Variants in SOCS6 observed in about 807,000 individuals in gnomAD.
SOCS6 encodes the protein suppressor of cytokine signaling 6, also known as STAT induced STAT inhibitor-4.
SOCS6 carries 5 observed loss-of-function variants against 27.7 expected under a neutral mutation model. The observed-to-expected ratio is 0.18, with a 90% CI of 0.09 to 0.38. The LOEUF (loss-of-function observed/expected upper bound fraction) is 0.38, where lower values mean the gene tolerates loss of function less well. Ranked by LOEUF, SOCS6 falls within the 10% of genes least tolerant of loss-of-function variation. The pLI, the probability that SOCS6 is intolerant of heterozygous loss-of-function variation, is 1.00. For synonymous variants in SOCS6, 271 were observed against 260.0 expected (o/e 1.04, Z -0.41); for missense variants, 595 against 688.1 (o/e 0.86, Z 1.51).
intron 1 of SOCS6, among the ~76,000 whole-genome samples, chr18:70,317,157 A>G (rs1420758521): frequency 6.6e-6 from 1 of 152,196 alleles, no homozygotes; most frequent in African/African-American, 2.4e-5. Flanking sequence ...CCATCACCTG[A>G]GCAGTGTACA....
At chr18:70,314,683 A>ATT in intron 1 of SOCS6, among the ~76,000 whole-genome samples, 1 of 152,324 alleles carries the variant, frequency 6.6e-6, no homozygotes, top group East Asian at 1.9e-4. Context: ...AGCTGCATCT[A>ATT]TTGAATTTTC....
chr18:70,311,530 G>A (rs1394129954), intron 1 of SOCS6, among the ~76,000 whole-genome samples: 2 of 152,120 alleles, frequency 1.3e-5, no homozygotes, highest in Non-Finnish European at 2.9e-5. Flanking sequence ...ACACTTGATG[G>A]GGTGGAGTGG....
intron 1 of SOCS6, among the ~76,000 whole-genome samples, chr18:70,297,194 C>CT (rs1455498504): frequency 6.6e-6 from 1 of 152,112 alleles, no homozygotes; most frequent in African/African-American, 2.4e-5. Flanking sequence ...TTTTCGTCGT[C>CT]TTCCTTTCCA....
chr18:70,320,513 A>G (rs1910945668), intron 1 of SOCS6, among the ~76,000 whole-genome samples: 1 of 152,164 alleles, frequency 6.6e-6, no homozygotes, highest in South Asian at 2.1e-4. Flanking sequence ...TTCAATTACC[A>G]CAGTCGATAG....
intron 1 of SOCS6, among the ~76,000 whole-genome samples, chr18:70,322,342 C>G (rs980597791): frequency 6.6e-6 from 1 of 152,018 alleles, no homozygotes; most frequent in Non-Finnish European, 1.5e-5. Context: ...ACCATATGGC[C>G]TAATAGAACT....
chr18:70,299,865 G>A (rs1299730897), intron 1 of SOCS6, among the ~76,000 whole-genome samples: 2 of 152,254 alleles, frequency 1.3e-5, no homozygotes, highest in South Asian at 2.1e-4. Context: ...TGTGTTAGGT[G>A]TTATAAATAA....
chr18:70,310,467 G>GTTTTTT lies in SOCS6; in HGVS notation c.-126-14076_-126-14075insTTTTTT, dbSNP rs1332886593. Among the ~76,000 whole-genome samples, 4 of 139,532 alleles carry GTTTTTT rather than the reference G, an allele frequency of 2.9e-5. 2 individuals carry two copies. Among genetic ancestry groups the GTTTTTT allele is most frequent in the African/African-American group, 5.5e-5 (2 of 36,240 alleles). The allele number at this position is 139,532 out of a possible 152,430, so 91.5% of individuals were successfully genotyped here. The stretch of plus-strand genomic sequence containing the variant: ...TGGCTAATTTTCTAATTTTTTGTGG[G>GTTTTTT]GTTTTTTTTTTTTTTTTTTTTGCAG... On this transcript the variant is annotated intron_variant, in intron 1 of 1. Transcript: ENST00000397942.
intron 1 of SOCS6, among the ~76,000 whole-genome samples, chr18:70,295,939 C>T (rs541131234): frequency 4.6e-5 from 7 of 152,242 alleles, no homozygotes; most frequent in Admixed American, 3.9e-4. Context: ...AGTTTGGATT[C>T]GTGTCTTCCT....
chr18:70,320,129 T>C (rs1910921930), intron 1 of SOCS6, among the ~76,000 whole-genome samples: 1 of 151,998 alleles, frequency 6.6e-6, no homozygotes, highest in Non-Finnish European at 1.5e-5. Flanking sequence ...GCTGGGATTA[T>C]AGGTGTGAGC....
chr18:70,294,101 AAAAG>A (rs201780509), intron 1 of SOCS6, among the ~76,000 whole-genome samples: 20,476 of 151,332 alleles, frequency 0.14, 1,399 homozygotes, highest in Middle Eastern at 0.24. Flanking sequence ...AAAAAAAAAA[AAAAG>A]AAAGAAAATG....
intron 1 of SOCS6, among the ~76,000 whole-genome samples, chr18:70,290,938 C>T (rs923686851): frequency 2.6e-5 from 4 of 152,218 alleles, no homozygotes; most frequent in African/African-American, 9.6e-5. Context: ...GGCCCCCCAC[C>T]CCGCAGGGAG....
chr18:70,301,945 A>T (rs41493545), intron 1 of SOCS6, among the ~76,000 whole-genome samples: 77 of 152,244 alleles, frequency 5.1e-4, no homozygotes, highest in Non-Finnish European at 8.4e-4. Flanking sequence ...ATTGGTAGAG[A>T]AGGCTTTGGT....
chr18:70,322,322 G>A (rs1286693291), intron 1 of SOCS6, among the ~76,000 whole-genome samples: 1 of 152,200 alleles, frequency 6.6e-6, no homozygotes, highest in East Asian at 1.9e-4. Context: ...ATGAAGGGAA[G>A]AGATAAAAGA....
At chr18:70,300,375 A>C (rs969366430) in intron 1 of SOCS6, among the ~76,000 whole-genome samples, 2 of 152,108 alleles carry the variant, frequency 1.3e-5, no homozygotes, top group Non-Finnish European at 2.9e-5. Flanking sequence ...GTGATCTGCC[A>C]GCCTCAGCCT....
At chr18:70,320,801 G>T (rs1257188673) in intron 1 of SOCS6, among the ~76,000 whole-genome samples, 1 of 152,084 alleles carries the variant, frequency 6.6e-6, no homozygotes, top group Non-Finnish European at 1.5e-5. Flanking sequence ...AGATAAGAGA[G>T]GGCTACTGTA....
At chr18:70,311,661 A>G (rs1448815052) in intron 1 of SOCS6, among the ~76,000 whole-genome samples, 2 of 152,182 alleles carry the variant, frequency 1.3e-5, no homozygotes, top group African/African-American at 2.4e-5. Context: ...TTACTTGTAT[A>G]TATTTTGAAA....
At chr18:70,293,156 A>T (rs140515303) in intron 1 of SOCS6, among the ~76,000 whole-genome samples, 16 of 152,148 alleles carry the variant, frequency 1.1e-4, no homozygotes, top group African/African-American at 3.9e-4. Context: ...GGGTGTGGGT[A>T]TACAGAAAGT....
At chr18:70,304,888 G>A (rs2062362629) in intron 1 of SOCS6, among the ~76,000 whole-genome samples, 1 of 152,154 alleles carries the variant, frequency 6.6e-6, no homozygotes, top group African/African-American at 2.4e-5. Context: ...CCAAACTAGA[G>A]TCACAAAGTT....
chr18:70,293,506 T>C (rs2062309385), intron 1 of SOCS6, among the ~76,000 whole-genome samples: 2 of 152,190 alleles, frequency 1.3e-5, no homozygotes, highest in Non-Finnish European at 1.5e-5. Flanking sequence ...CCATTTCTCC[T>C]GCTTACATAG....
Sources: gnomAD v4.1 joint callset for allele counts (sites outside exome capture counted in the v4.1 genomes callset) on GRCh38, gnomAD v4.1.1 for gene constraint, MANE v1.5 for transcripts, NCBI Gene and HGNC (gene_info 2026-07-23, HGNC 2026-07-21) for gene names.